NRCAM: variants seen among roughly 807,000 people sequenced by gnomAD.
NRCAM encodes the protein NgCAM-related cell adhesion molecule.
A neutral mutation model predicts 156.5 loss-of-function variants in NRCAM; 83 were observed. That is an observed-to-expected ratio of 0.53 (90% CI 0.44 to 0.64). The LOEUF (loss-of-function observed/expected upper bound fraction) is 0.64, where lower values mean the gene tolerates loss of function less well. Among genes scored for constraint, NRCAM ranks in the 30% least tolerant of loss-of-function variants. NRCAM has a pLI of 0.00. For synonymous variants in NRCAM, 538 were observed against 563.9 expected (o/e 0.95, Z 0.65); for missense variants, 1,417 against 1,597.3 (o/e 0.89, Z 1.92).
At chr7:108,204,674 T>G (rs550312755) in intron 13 of NRCAM, among the ~76,000 whole-genome samples, 1 of 152,296 alleles carries the variant, frequency 6.6e-6, no homozygotes, top group East Asian at 1.9e-4. Flanking sequence ...GAGTGACTGC[T>G]CTGAGGCACA....
chr7:108,415,331 A>G (rs143723800), intron 1 of NRCAM, among the ~76,000 whole-genome samples: 125 of 152,292 alleles, frequency 8.2e-4, no homozygotes, highest in African/African-American at 2.9e-3. Flanking sequence ...CCGCACGTCT[A>G]ATCACTTCCC....
intron 29 of NRCAM, among the ~76,000 whole-genome samples, chr7:108,168,031 T>G (rs1009706860): frequency 6.6e-6 from 1 of 152,242 alleles, no homozygotes; most frequent in Non-Finnish European, 1.5e-5. Context: ...AGTACTATGA[T>G]ATGAAAATAA....
intron 3 of NRCAM, among the ~76,000 whole-genome samples, chr7:108,308,954 G>A (rs2098758879): frequency 6.6e-6 from 1 of 152,216 alleles, no homozygotes; most frequent in Non-Finnish European, 1.5e-5. Flanking sequence ...CCTCCCTACA[G>A]AAATGTTGCA....
At chr7:108,353,313 TCTTCTTTCTTC>T (rs972643293) in intron 2 of NRCAM, among the ~76,000 whole-genome samples, 5 of 152,048 alleles carry the variant, frequency 3.3e-5, no homozygotes, top group South Asian at 2.1e-4. Flanking sequence ...TCTTCTTCTT[TCTTCTTTCTTC>T]CTTCTTTCTT....
At chr7:108,385,188 T>C (rs1439474653) in intron 2 of NRCAM, among the ~76,000 whole-genome samples, 1 of 152,236 alleles carries the variant, frequency 6.6e-6, no homozygotes, top group Non-Finnish European at 1.5e-5. Context: ...ATGCATATAT[T>C]ACATTGAAAA....
intron 2 of NRCAM, among the ~76,000 whole-genome samples, chr7:108,384,075 C>G (rs2099722638): frequency 6.6e-6 from 1 of 152,064 alleles, no homozygotes; most frequent in South Asian, 2.1e-4. Flanking sequence ...AAGAAGGGAA[C>G]AGCAGACACT....
chr7:108,200,389 T>G (rs1333217675), intron 13 of NRCAM, among the ~76,000 whole-genome samples: 1 of 152,048 alleles, frequency 6.6e-6, no homozygotes, highest in African/African-American at 2.4e-5. Flanking sequence ...GAAAACACAG[T>G]GTACCTTAGG....
chr7:108,172,280 T>TTTAC (rs1284519879), intron 28 of NRCAM, among the ~76,000 whole-genome samples: 1 of 151,760 alleles, frequency 6.6e-6, no homozygotes, highest in Non-Finnish European at 1.5e-5. Flanking sequence ...AAATCATTTA[T>TTTAC]TTATTTATTT....
At position 108,194,146 on chromosome 7, in the gene NRCAM, G is replaced by A. The variant is rs369707228; in HGVS notation, c.1656C>T (p.Pro552=). The A allele has an allele frequency of 2.7e-5, 44 of 1,613,878 alleles. 1 individual carries two copies. The African/African-American group carries it at 2.9e-4, about 11-fold the overall frequency. ...IKDPTWIVKQ[P]EYAVVQRGSM... ...TCCCTCTTTGCACAACTGCATATTC[G>A]GGCTGTTTAACGATCCATGTAGGAT... is the stretch of plus-strand genomic sequence containing the variant. The change falls in exon 17 of 33, where the codon CCC becomes CCT. Residue 552 remains proline (P), a synonymous_variant. Transcript: ENST00000379028.
intron 2 of NRCAM, among the ~76,000 whole-genome samples, chr7:108,358,464 T>C (rs75591168): frequency 2.0e-5 from 1 of 49,236 alleles, no homozygotes; most frequent in East Asian, 6.6e-4. Context: ...TCCTACGTAT[T>C]TTTTTTTTTC....
intron 2 of NRCAM, among the ~76,000 whole-genome samples, chr7:108,325,316 T>C (rs2099055889): frequency 6.6e-6 from 1 of 152,118 alleles, no homozygotes; most frequent in African/African-American, 2.4e-5. Flanking sequence ...GAACTTTCAT[T>C]CTATCTATGA....
intron 3 of NRCAM, among the ~76,000 whole-genome samples, chr7:108,273,318 G>A (rs12665964): frequency 0.038 from 5,776 of 152,194 alleles, 164 homozygotes; most frequent in South Asian, 0.11. Context: ...TTGAGGAATC[G>A]CCACACTGTC....
At chr7:108,426,806 G>C (rs1051827125) in intron 1 of NRCAM, among the ~76,000 whole-genome samples, 1 of 152,178 alleles carries the variant, frequency 6.6e-6, no homozygotes, top group Non-Finnish European at 1.5e-5. Context: ...AGGGAAGTGG[G>C]TCGGCAACAA....
intron 3 of NRCAM, among the ~76,000 whole-genome samples, chr7:108,279,288 T>C (rs1247926167): frequency 1.3e-5 from 2 of 152,234 alleles, no homozygotes; most frequent in Non-Finnish European, 2.9e-5. Flanking sequence ...TATTTCCTGT[T>C]GGTGAAAATA....
chr7:108,186,331 C>G (rs1336887144), intron 20 of NRCAM, among the ~76,000 whole-genome samples: 1 of 152,184 alleles, frequency 6.6e-6, no homozygotes, highest in African/African-American at 2.4e-5. Flanking sequence ...CTCGACAATT[C>G]CACTTGGTTG....
In NRCAM at chr7:108,257,198, A is replaced by G. The variant is rs868180661; in HGVS notation, c.-106-17028T>C. Among the ~76,000 whole-genome samples, 100 of 152,110 alleles carry G rather than the reference A, an allele frequency of 6.6e-4. 1 individual carries two copies. The highest frequency in any genetic ancestry group is 6.8e-3 in the Middle Eastern group (2 of 294). On this transcript the variant is annotated intron_variant, in intron 3 of 32. Coordinates refer to ENST00000379028, the MANE Select transcript of NRCAM (RefSeq NM_001037132.4). ...AGTGGCTGCTGGGGCCTGGGGTAGG[A>G]GAGGAGACTGACTATAAACAGGCAG...
intron 1 of NRCAM, among the ~76,000 whole-genome samples, chr7:108,404,404 C>T (rs2099801684): frequency 6.6e-6 from 1 of 152,168 alleles, no homozygotes; most frequent in African/African-American, 2.4e-5. Context: ...TGTTCTATGG[C>T]ATTTTGAGGC....
rs145391397 is a variant in NRCAM, at chr7:108,292,598, A to G, written c.-107+20067T>C. Among the ~76,000 whole-genome samples the G allele has an allele frequency of 2.9e-3, 447 of 152,318 alleles. 1 individual carries two copies. Among genetic ancestry groups the G allele is most frequent in the African/African-American group, 0.01 (427 of 41,570 alleles). On this transcript the variant is annotated intron_variant, in intron 3 of 32. Coordinates refer to ENST00000379028, the MANE Select transcript of NRCAM (RefSeq NM_001037132.4). ...GAGAGGCAATGCTTCCTAGTGGTCA[A>G]GAATACACACTGGAACCAGTCTGAC...
At chr7:108,438,835 CAA>C (rs1441207297) in intron 1 of NRCAM, among the ~76,000 whole-genome samples, 3 of 152,048 alleles carry the variant, frequency 2.0e-5, no homozygotes, top group Non-Finnish European at 4.4e-5. Flanking sequence ...ACATCACTAA[CAA>C]ACGATCTAAA....
Sources: allele counts gnomAD v4.1 joint callset (sites outside exome capture counted in the v4.1 genomes callset), GRCh38; gene constraint gnomAD v4.1.1; transcripts MANE v1.5; gene names NCBI Gene and HGNC (gene_info 2026-07-23, HGNC 2026-07-21).